ST3GAL1: variants seen among roughly 807,000 people sequenced by gnomAD.
The protein encoded by ST3GAL1 is CMP-N-acetylneuraminate-beta-galactosamide-alpha-2,3-sialyltransferase 1.
ST3GAL1 carries 16 observed loss-of-function variants against 34.1 expected under a neutral mutation model. That is an observed-to-expected ratio of 0.47 (90% CI 0.32 to 0.71). The LOEUF is 0.71. ST3GAL1 is among the 30% of genes least tolerant of loss of function. The pLI, the probability that ST3GAL1 is intolerant of heterozygous loss-of-function variation, is 0.04. For missense variants in ST3GAL1, 353 were observed against 447.4 expected (o/e 0.79, Z 1.90); for synonymous variants, 191 against 184.7 (o/e 1.03, Z -0.28).
intron 1 of ST3GAL1, among the ~76,000 whole-genome samples, chr8:133,548,783 A>G (rs1192949026): frequency 6.6e-6 from 1 of 152,206 alleles, no homozygotes; most frequent in Non-Finnish European, 1.5e-5. Flanking sequence ...TGCTCTCACT[A>G]GACTGAGACT....
intron 2 of ST3GAL1, among the ~76,000 whole-genome samples, chr8:133,526,460 G>T (rs1817977194): frequency 6.6e-6 from 1 of 152,134 alleles, no homozygotes; most frequent in African/African-American, 2.4e-5. Flanking sequence ...CAAATAGTTT[G>T]CTCCAACCAG....
chr8:133,481,310 G>A lies in ST3GAL1; in HGVS notation c.-373-4710C>T, dbSNP rs115312475. On this transcript the variant is annotated intron_variant, in intron 3 of 9. Coordinates refer to ENST00000522652, the MANE Select transcript of ST3GAL1 (RefSeq NM_173344.3). ...TTTCATGAAGACTGGTCTATTTCTG[G>A]TTTACTCTTACCCCTGGGGCATAGC... Among the ~76,000 whole-genome samples the A allele has an allele frequency of 5.1e-3, 779 of 152,214 alleles. 6 individuals carry two copies. Among genetic ancestry groups the A allele is most frequent in the African/African-American group, 0.018 (736 of 41,528 alleles).
chr8:133,548,837 T>C (rs968556836), intron 1 of ST3GAL1, among the ~76,000 whole-genome samples: 4 of 152,154 alleles, frequency 2.6e-5, no homozygotes, highest in Admixed American at 2.6e-4. Flanking sequence ...TCACTAGATT[T>C]CCCCACTCTT....
At chr8:133,540,697 A>C (rs2131062264) in intron 2 of ST3GAL1, among the ~76,000 whole-genome samples, 1 of 145,940 alleles carries the variant, frequency 6.9e-6, no homozygotes, top group South Asian at 2.1e-4. Context: ...CCCACACCAT[A>C]TATATATATA....
intron 1 of ST3GAL1, among the ~76,000 whole-genome samples, chr8:133,564,428 C>T (rs1160837473): frequency 6.6e-6 from 1 of 151,988 alleles, no homozygotes; most frequent in Non-Finnish European, 1.5e-5. Context: ...CGAAGTGTTG[C>T]TCAATTCTAG....
intron 2 of ST3GAL1, among the ~76,000 whole-genome samples, chr8:133,542,990 C>T (rs566359175): frequency 3.9e-5 from 6 of 152,294 alleles, no homozygotes; most frequent in African/African-American, 1.4e-4. Flanking sequence ...TCTACACAAT[C>T]CCGGAAGTTC....
chr8:133,485,683 G>A (rs552749792), intron 3 of ST3GAL1, among the ~76,000 whole-genome samples: 1 of 152,330 alleles, frequency 6.6e-6, no homozygotes, highest in African/African-American at 2.4e-5. Flanking sequence ...GAAAAAACCT[G>A]CTGTATTCTA....
intron 1 of ST3GAL1, among the ~76,000 whole-genome samples, chr8:133,547,613 C>T (rs1818707435): frequency 6.6e-6 from 1 of 152,132 alleles, no homozygotes; most frequent in Non-Finnish European, 1.5e-5. Context: ...CACCCCAGCT[C>T]AGCCCCCAGA....
rs141462715 is a variant in ST3GAL1 at position 133,541,516 on chromosome 8, G to A, written c.-429+4258C>T. On this transcript the variant is annotated intron_variant, in intron 2 of 9. Coordinates refer to ENST00000522652, the MANE Select transcript of ST3GAL1 (RefSeq NM_173344.3). ...ATGCAACTCATACACCACCACGTGCGTCTACACACACCTCCTAACAGGACT... is the reference window on the plus strand; with the variant it reads ...ATGCAACTCATACACCACCACGTGCATCTACACACACCTCCTAACAGGACT... Among the ~76,000 whole-genome samples the A allele has an allele frequency of 1.9e-4, 29 of 151,210 alleles. No homozygotes were observed. In the East Asian group the frequency reaches 2.4e-3, roughly 12 times the overall value.
rs1563719346 is a variant in ST3GAL1 at position 133,507,554 on chromosome 8, C to G, written c.-428-8365G>C. On this transcript the variant is annotated intron_variant, in intron 2 of 9. Transcript: ENST00000522652. Reference sequence around the variant, plus strand: ...TTACCAGGCCCATTTCTCGGGGTTGCTGGGAAAGTTAGATGAGATAATATA... The same window carrying G: ...TTACCAGGCCCATTTCTCGGGGTTGGTGGGAAAGTTAGATGAGATAATATA... 2.0e-5 allele frequency among the ~76,000 whole-genome samples: 3 copies of G among 152,284 alleles called. No individual in the cohort carries two copies. The South Asian group carries it at 6.2e-4, about 32-fold the overall frequency.
chr8:133,487,090 T>G (rs959882991), intron 3 of ST3GAL1, among the ~76,000 whole-genome samples: 4 of 152,134 alleles, frequency 2.6e-5, no homozygotes, highest in Non-Finnish European at 2.9e-5. Flanking sequence ...ACTACAGATG[T>G]GCACCATGCC....
At chr8:133,518,915 A>G (rs1817720987) in intron 2 of ST3GAL1, among the ~76,000 whole-genome samples, 1 of 152,184 alleles carries the variant, frequency 6.6e-6, no homozygotes. Context: ...CAGCAGTGCA[A>G]GGCTCTGGAG....
chr8:133,554,470 G>T (rs1424166893), intron 1 of ST3GAL1, among the ~76,000 whole-genome samples: 1 of 152,190 alleles, frequency 6.6e-6, no homozygotes, highest in Non-Finnish European at 1.5e-5. Context: ...AGGCTGGAGA[G>T]TGAGAACTAT....
In ST3GAL1 at chr8:133,460,017, C is replaced by T. The variant is rs1408291900; in HGVS notation, c.850-80G>A. 3.4e-6 allele frequency: 5 copies of T among 1,460,350 alleles called. No homozygotes were observed. In the African/African-American group the frequency reaches 5.7e-5, roughly 17 times the overall value. The allele number at this position is 1,460,350 out of a possible 1,614,324, so 90.5% of individuals were successfully genotyped here. ...CTGAGAAAGGAAGCCTGTAGGCGTT[C>T]CTGGAATCCCACAGGACCATAAACA... On this transcript the variant is annotated intron_variant, in intron 9 of 9. Transcript: ENST00000522652.
At chr8:133,544,789 A>C (rs1382669674) in intron 2 of ST3GAL1, among the ~76,000 whole-genome samples, 1 of 152,190 alleles carries the variant, frequency 6.6e-6, no homozygotes, top group Non-Finnish European at 1.5e-5. Context: ...GAAATTTTAA[A>C]AGTTACTCCA....
At chr8:133,483,703 G>C (rs1816478126) in intron 3 of ST3GAL1, among the ~76,000 whole-genome samples, 2 of 152,158 alleles carry the variant, frequency 1.3e-5, no homozygotes, top group Non-Finnish European at 2.9e-5. Flanking sequence ...AGACCTCCCA[G>C]GACCTGCAGG....
In ST3GAL1 at chr8:133,458,232, T is replaced by G. The variant is rs1472823016; in HGVS notation, c.*1532A>C. On this transcript the variant is annotated 3_prime_UTR_variant, in exon 10 of 10. Transcript: ENST00000522652. ...CACCCCCACCTAATTTCCCAGCTAC[T>G]GGGTGAGGCAAGCTTCATTAAAACA... 1 of 152,134 alleles carries G rather than the reference T, an allele frequency of 6.6e-6. No individual in the cohort carries two copies. The highest frequency in any genetic ancestry group is 2.4e-5 in the African/African-American group (1 of 41,398). The allele number at this position is 152,134 out of a possible 1,614,324, so 9.4% of individuals were successfully genotyped here.
intron 3 of ST3GAL1, among the ~76,000 whole-genome samples, chr8:133,487,531 T>G (rs1470904896): frequency 6.6e-6 from 1 of 152,236 alleles, no homozygotes; most frequent in Non-Finnish European, 1.5e-5. Flanking sequence ...CATCTCACTT[T>G]GTCTTGGCAA....
At position 133,525,876 on chromosome 8, in the gene ST3GAL1, G is replaced by T. The variant is rs74527398; in HGVS notation, c.-429+19898C>A. On this transcript the variant is annotated intron_variant, in intron 2 of 9. Coordinates refer to ENST00000522652, the MANE Select transcript of ST3GAL1 (RefSeq NM_173344.3). ...AGGCAATTACAAGCCTGCATGACAG[G>T]GGGGCTTCCTGGGTCCCCAAGAGCA... is the stretch of plus-strand genomic sequence containing the variant. 3.3e-4 allele frequency among the ~76,000 whole-genome samples: 49 copies of T among 150,170 alleles called. 1 individual carries two copies. The East Asian group carries it at 6.6e-3, about 20-fold the overall frequency.
Sources: gnomAD v4.1 joint callset for allele counts (sites outside exome capture counted in the v4.1 genomes callset) on GRCh38, gnomAD v4.1.1 for gene constraint, MANE v1.5 for transcripts, NCBI Gene and HGNC (gene_info 2026-07-23, HGNC 2026-07-21) for gene names.